Variants in HYDIN observed in about 807,000 individuals in gnomAD.
HYDIN encodes HYDIN axonemal central pair apparatus protein.
A neutral mutation model predicts 403.9 loss-of-function variants in HYDIN; 132 were observed. The observed-to-expected ratio is 0.33, with a 90% CI of 0.28 to 0.38. The LOEUF (loss-of-function observed/expected upper bound fraction) is 0.38. Among genes scored for constraint, HYDIN ranks in the 10% least tolerant of loss-of-function variants. HYDIN has a pLI of 1.00. For missense variants in HYDIN, 2,827 were observed against 5,009.5 expected, an observed-to-expected ratio of 0.56 and a Z score of 13.15; for synonymous variants, 1,202 against 1,891.7, an observed-to-expected ratio of 0.64 and a Z score of 9.46.
Position 71,230,721 on chromosome 16 carries a change from G to A in HYDIN, c.-183C>T, listed in dbSNP as rs868610170. On this transcript the variant is annotated 5_prime_UTR_variant, in exon 1 of 86. Coordinates refer to ENST00000393567, the MANE Select transcript of HYDIN (RefSeq NM_001270974.2). ...CGAGCTGTTGCCGTCCGTTGCCACG[G>A]TAACCACGGAGCCGCACAGCCTAGC... The A allele has an allele frequency of 6.5e-7, 1 of 1,535,912 alleles. No homozygotes were observed. The highest frequency in any genetic ancestry group is 8.7e-7 in the Non-Finnish European group (1 of 1,146,808).
intron 62 of HYDIN, 113 bp from the exon 63 acceptor site, chr16:70,875,032 C>T: frequency 1.8e-6 from 2 of 1,093,350 alleles, no homozygotes; most frequent in African/African-American, 1.6e-5. Flanking sequence ...AGGTATTATG[C>T]CTAGTATTCA....
chr16:71,153,008 C>T, intron 6 of HYDIN: 1 of 423,878 alleles, frequency 2.4e-6, no homozygotes, highest in South Asian at 2.6e-5. Flanking sequence ...TTAAACAATG[C>T]AACAATATTC....
At chr16:71,209,084 T>C (rs948550849) in intron 1 of HYDIN, among the ~76,000 whole-genome samples, 2 of 151,364 alleles carry the variant, frequency 1.3e-5, no homozygotes, top group African/African-American at 2.4e-5. Context: ...ATGGCAGAGA[T>C]ACAACAAAAA....
intron 3 of HYDIN, among the ~76,000 whole-genome samples, chr16:71,183,043 T>A (rs910529148): frequency 6.6e-6 from 1 of 151,924 alleles, no homozygotes; most frequent in African/African-American, 2.4e-5. Context: ...TTTTAAAGAT[T>A]ACTTTTACTG....
chr16:71,200,797 T>C (rs772207100), intron 1 of HYDIN, among the ~76,000 whole-genome samples: 3 of 152,328 alleles, frequency 2.0e-5, no homozygotes, highest in Non-Finnish European at 4.4e-5. Flanking sequence ...GATCCATGCA[T>C]GGATCTAGAC....
At chr16:70,976,163 G>C (rs2078880802) in intron 30 of HYDIN, among the ~76,000 whole-genome samples, 1 of 152,208 alleles carries the variant, frequency 6.6e-6, no homozygotes, top group Non-Finnish European at 1.5e-5. Flanking sequence ...GACAAATGAT[G>C]GTGTCAAGTC....
chr16:70,830,661 T>C (rs1385506174), intron 80 of HYDIN, among the ~76,000 whole-genome samples: 3 of 149,814 alleles, frequency 2.0e-5, no homozygotes, highest in South Asian at 2.1e-4. Flanking sequence ...AGTGGGTATA[T>C]TCCAGTTGTA....
chr16:71,097,353 G>A (rs1422047471), intron 10 of HYDIN, among the ~76,000 whole-genome samples: 4 of 124,248 alleles, frequency 3.2e-5, no homozygotes, highest in Non-Finnish European at 6.3e-5. Flanking sequence ...CAAAAAGGCA[G>A]TGTCTTTAAG....
At chr16:70,852,994 T>A (rs7499291) in intron 73 of HYDIN, among the ~76,000 whole-genome samples, 1 of 136,916 alleles carries the variant, frequency 7.3e-6, no homozygotes. Context: ...GCCAACATGG[T>A]GAAACCCCAT....
chr16:71,216,410 G>A (rs1292555901), intron 1 of HYDIN, among the ~76,000 whole-genome samples: 1 of 152,132 alleles, frequency 6.6e-6, no homozygotes, highest in African/African-American at 2.4e-5. Context: ...AGGAAAAACT[G>A]AACTACGTTT....
chr16:71,178,026 A>G (rs2086741055), intron 4 of HYDIN, among the ~76,000 whole-genome samples: 1 of 152,240 alleles, frequency 6.6e-6, no homozygotes, highest in African/African-American at 2.4e-5. Context: ...CAGAAAGAAG[A>G]AGACAGAAAA....
At chr16:71,198,839 G>C (rs1209731092) in intron 1 of HYDIN, among the ~76,000 whole-genome samples, 1 of 152,166 alleles carries the variant, frequency 6.6e-6, no homozygotes, top group Admixed American at 6.5e-5. Flanking sequence ...ACTCAGACAA[G>C]TTGGTAATCG....
In HYDIN at chr16:71,230,633, C is replaced by T. The variant is rs1167910446; in HGVS notation, c.-95G>A. 3 of 1,535,964 alleles carry T rather than the reference C, an allele frequency of 2.0e-6. No homozygotes were observed. The highest frequency in any genetic ancestry group is 2.4e-5 in the East Asian group (1 of 40,922). On this transcript the variant is annotated 5_prime_UTR_variant, in exon 1 of 86. Coordinates refer to ENST00000393567, the MANE Select transcript of HYDIN (RefSeq NM_001270974.2). ...CAAGACCCCGCGTCCAACTCACAGA[C>T]CCCGCCGCCGCTGAGGGGCTCCATA...
intron 18 of HYDIN, among the ~76,000 whole-genome samples, chr16:71,049,023 T>C (rs1451891411): frequency 6.6e-6 from 1 of 152,270 alleles, no homozygotes; most frequent in Non-Finnish European, 1.5e-5. Context: ...AACATGTCCC[T>C]TACATAGAAA....
rs192046327 is a variant in HYDIN at position 70,803,632 on chromosome 16, T to A, written c.*3948A>T. On this transcript the variant is annotated 3_prime_UTR_variant, in exon 86 of 86. Transcript: ENST00000393567. The stretch of plus-strand genomic sequence containing the variant: ...ATAACTTGTAGCAAGAGGCTGCTGA[T>A]GACATTGTAAGAAATTGTACCAAAA... Among the ~76,000 whole-genome samples, 2 of 152,370 alleles carry A rather than the reference T, an allele frequency of 1.3e-5. No homozygotes were observed. Among genetic ancestry groups the A allele is most frequent in the Admixed American group, 1.3e-4 (2 of 15,290 alleles).
intron 6 of HYDIN, among the ~76,000 whole-genome samples, chr16:71,161,401 G>T (rs1004995047): frequency 6.6e-6 from 1 of 152,220 alleles, no homozygotes; most frequent in African/African-American, 2.4e-5. Context: ...GACTGGACCG[G>T]TACCAGTTCA....
chr16:70,922,927 C>G (rs556600600), intron 45 of HYDIN, among the ~76,000 whole-genome samples: 53 of 150,412 alleles, frequency 3.5e-4, no homozygotes, highest in Admixed American at 9.3e-4. Flanking sequence ...GCCACCATGC[C>G]TGGCTAATTT....
intron 9 of HYDIN, among the ~76,000 whole-genome samples, chr16:71,126,754 T>C (rs731315): frequency 0.064 from 6,791 of 105,788 alleles, no homozygotes; most frequent in East Asian, 0.1. Flanking sequence ...ATTTTCCCAA[T>C]TGGAAACATT....
intron 1 of HYDIN, among the ~76,000 whole-genome samples, chr16:71,205,932 C>T (rs747576833): frequency 3.5e-4 from 53 of 152,356 alleles, no homozygotes; most frequent in Non-Finnish European, 5.7e-4. Context: ...GCATGTGACC[C>T]TACTGACCTC....
Sources: allele counts gnomAD v4.1 joint callset (sites outside exome capture counted in the v4.1 genomes callset), GRCh38; gene constraint gnomAD v4.1.1; transcripts MANE v1.5; gene names NCBI Gene and HGNC (gene_info 2026-07-23, HGNC 2026-07-21).